Variants in SETD3 observed in about 807,000 individuals in gnomAD.
SETD3 encodes SET domain containing 3, actin N3(tau)-histidine methyltransferase.
Under a neutral mutation model 63.0 loss-of-function variants are expected in SETD3, and 19 were observed. That is an observed-to-expected ratio of 0.30 (90% confidence interval 0.21 to 0.44). The LOEUF (loss-of-function observed/expected upper bound fraction) is 0.44, where lower values mean the gene tolerates loss of function less well. Ranked by LOEUF, SETD3 falls within the 20% of genes least tolerant of loss-of-function variation. The pLI, the probability that SETD3 is intolerant of heterozygous loss-of-function variation, is 1.00. For missense variants in SETD3, 587 were observed against 728.5 expected (o/e 0.81, Z 2.24); for synonymous variants, 286 against 264.1 (o/e 1.08, Z -0.80).
At chr14:99,441,323 C>T (rs939077053) in intron 6 of SETD3, among the ~76,000 whole-genome samples, 1 of 150,892 alleles carries the variant, frequency 6.6e-6, no homozygotes, top group Non-Finnish European at 1.5e-5. Context: ...GAGAGCCTGG[C>T]CACACGTGAC....
At chr14:99,417,446 G>A (rs1892343659) in intron 6 of SETD3, among the ~76,000 whole-genome samples, 3 of 152,218 alleles carry the variant, frequency 2.0e-5, no homozygotes, top group African/African-American at 7.2e-5. Context: ...TGACATTAAT[G>A]TAAAACCTTG....
intron 6 of SETD3, among the ~76,000 whole-genome samples, chr14:99,452,574 T>C (rs529455105): frequency 2.0e-5 from 3 of 152,204 alleles, no homozygotes; most frequent in Non-Finnish European, 4.4e-5. Context: ...AGAAAAACAA[T>C]AAATAAAAAA....
At chr14:99,463,038 A>C (rs555172662) in intron 3 of SETD3, among the ~76,000 whole-genome samples, 172 of 152,322 alleles carry the variant, frequency 1.1e-3, no homozygotes, top group Middle Eastern at 3.4e-3. Context: ...ACGTCCTGTA[A>C]AAACACAGCT....
chr14:99,441,280 G>A (rs945222640), intron 6 of SETD3, among the ~76,000 whole-genome samples: 1 of 152,204 alleles, frequency 6.6e-6, no homozygotes, highest in African/African-American at 2.4e-5. Flanking sequence ...CTAATCAGGT[G>A]CTTCTGTGTG....
chr14:99,484,848 T>C (rs1896445514), upstream of SETD3, among the ~76,000 whole-genome samples: 1 of 152,266 alleles, frequency 6.6e-6, no homozygotes, highest in African/African-American at 2.4e-5. Flanking sequence ...TTCTAAATGT[T>C]GAAAATATAT....
intron 6 of SETD3, among the ~76,000 whole-genome samples, chr14:99,419,832 T>C (rs1892489607): frequency 6.6e-6 from 1 of 152,038 alleles, no homozygotes; most frequent in South Asian, 2.1e-4. Context: ...TACTCTATGA[T>C]GGGCAACCAA....
At chr14:99,474,539 C>A (rs1895869342) in intron 1 of SETD3, among the ~76,000 whole-genome samples, 1 of 152,108 alleles carries the variant, frequency 6.6e-6, no homozygotes, top group African/African-American at 2.4e-5. Context: ...TTTGGGCTGT[C>A]CCATGTAAGT....
At position 99,398,441 on chromosome 14, in the gene SETD3, C is replaced by A. The variant is rs2139599359; in HGVS notation, c.*238G>T. The A allele has an allele frequency of 2.0e-6, 1 of 511,182 alleles. No homozygotes were observed. The highest frequency in any genetic ancestry group is 2.7e-5 in the South Asian group (1 of 36,758). The allele number at this position is 511,182 out of a possible 1,614,324, so 31.7% of individuals were successfully genotyped here. On this transcript the variant is annotated 3_prime_UTR_variant, in exon 13 of 13. Coordinates refer to ENST00000331768, the MANE Select transcript of SETD3 (RefSeq NM_032233.3). The stretch of plus-strand genomic sequence containing the variant: ...AAAATCTCCCACAGGCACCTCTTCT[C>A]CCTTTCTTGTGGTTGTTTGTTAATT...
upstream of SETD3, among the ~76,000 whole-genome samples, chr14:99,482,299 T>A (rs1896359816): frequency 6.6e-6 from 1 of 152,258 alleles, no homozygotes. Flanking sequence ...TGTTTACAGA[T>A]ACCTAGCACA....
intron 1 of SETD3, chr14:99,478,886 A>AT (rs201442975): frequency 6.6e-6 from 1 of 152,120 alleles, no homozygotes; most frequent in Non-Finnish European, 1.5e-5. Context: ...TCACCTCCAT[A>AT]TTTTTCTCAT....
At chr14:99,414,086 C>G in intron 6 of SETD3, 152 bp from the exon 7 acceptor site, 2 of 678,542 alleles carry the variant, frequency 2.9e-6, no homozygotes, top group Non-Finnish European at 5.3e-6. Context: ...GAGGGATCAT[C>G]GCGCTGTTAT....
intron 11 of SETD3, among the ~76,000 whole-genome samples, chr14:99,403,488 CTT>C (rs1491412834): frequency 3.3e-4 from 45 of 136,754 alleles, no homozygotes; most frequent in African/African-American, 1.4e-3. Flanking sequence ...CTCTCTCTCT[CTT>C]TCTCTCTCTT....
At chr14:99,450,060 G>C (rs1894369806) in intron 6 of SETD3, among the ~76,000 whole-genome samples, 2 of 152,052 alleles carry the variant, frequency 1.3e-5, no homozygotes, top group Non-Finnish European at 2.9e-5. Flanking sequence ...GCATAAACTG[G>C]GACACTCCTG....
At position 99,465,693 on chromosome 14, in the gene SETD3, G is replaced by C; in HGVS notation, c.103+10C>G. On this transcript the variant is annotated intron_variant, in intron 2 of 12. Coordinates refer to ENST00000331768, the MANE Select transcript of SETD3 (RefSeq NM_032233.3). The stretch of plus-strand genomic sequence containing the variant: ...ACATCAAGGCAGGGAGAGCCCAGAG[G>C]AGGACTTACTCTGCAGCAGCTCACT... 1 of 1,608,608 alleles carries C rather than the reference G, an allele frequency of 6.2e-7. No individual in the cohort carries two copies. The highest frequency in any genetic ancestry group is 8.5e-7 in the Non-Finnish European group (1 of 1,175,294).
rs1201022195 is a variant in SETD3 at position 99,400,080 on chromosome 14, A to G, written c.1338+19T>C. On this transcript the variant is annotated intron_variant, in intron 12 of 12. Coordinates refer to ENST00000331768, the MANE Select transcript of SETD3 (RefSeq NM_032233.3). ...AACAACACAACAAGTTCAAAACCTCATTTATTTAGTGTAATTACCTCAATA... is the reference window on the plus strand; with the variant it reads ...AACAACACAACAAGTTCAAAACCTCGTTTATTTAGTGTAATTACCTCAATA... The G allele has an allele frequency of 2.5e-6, 4 of 1,588,960 alleles. No individual in the cohort carries two copies. Among genetic ancestry groups the G allele is most frequent in the South Asian group, 2.3e-5 (2 of 87,684 alleles).
At chr14:99,455,925 C>T (rs1022868037) in intron 6 of SETD3, among the ~76,000 whole-genome samples, 1 of 152,196 alleles carries the variant, frequency 6.6e-6, no homozygotes, top group Admixed American at 6.5e-5. Context: ...GAGGACAAGG[C>T]GGGCGGATCA....
At chr14:99,404,951 T>C (rs1891600029) in intron 10 of SETD3, among the ~76,000 whole-genome samples, 1 of 152,196 alleles carries the variant, frequency 6.6e-6, no homozygotes, top group Non-Finnish European at 1.5e-5. Flanking sequence ...AAAGTAGTTA[T>C]TTAACTTAAT....
At position 99,418,189 on chromosome 14, in the gene SETD3, CCT is replaced by C. The variant is rs1476353874; in HGVS notation, c.676-4257_676-4256del. On this transcript the variant is annotated intron_variant, in intron 6 of 12. Transcript: ENST00000331768. ...TTATGGAAGAATTCAGTGACTCTGCCCTGTTTGATGACTATAGTATCAGAAAT... is the reference window on the plus strand; with the variant it reads ...TTATGGAAGAATTCAGTGACTCTGCCGTTTGATGACTATAGTATCAGAAAT... Among the ~76,000 whole-genome samples the C allele has an allele frequency of 3.9e-5, 6 of 152,156 alleles. No individual in the cohort carries two copies. In the Middle Eastern group the frequency reaches 0.014, roughly 345 times the overall value.
rs1891224081 is a variant in SETD3 at position 99,398,902 on chromosome 14, A to G, written c.1562T>C (p.Leu521Pro). The change falls in exon 13 of 13, where the codon CTG becomes CCG. Residue 521 changes from leucine to proline, a missense_variant. Leu to Pro is a moderately conservative substitution (Grantham distance 98). Transcript: ENST00000331768. Reference protein sequence around the residue: ...ESSVGDSRLPLVLRNLEEEAG... With the variant: ...ESSVGDSRLPPVLRNLEEEAG... ...CTCCTCCTCGAGGTTTCTCAAGACCAGGGGGAGCCTCGAGTCCCCCACGCT... is the reference window on the plus strand; with the variant it reads ...CTCCTCCTCGAGGTTTCTCAAGACCGGGGGGAGCCTCGAGTCCCCCACGCT... 6.2e-7 allele frequency: 1 copy of G among 1,614,082 alleles called. No homozygotes were observed.
Sources: allele counts gnomAD v4.1 joint callset (sites outside exome capture counted in the v4.1 genomes callset), GRCh38; gene constraint gnomAD v4.1.1; transcripts MANE v1.5; gene names NCBI Gene and HGNC (gene_info 2026-07-23, HGNC 2026-07-21).